NADSYN1: variants seen among roughly 807,000 people sequenced by gnomAD.
NADSYN1 encodes glutamine-dependent NAD(+) synthetase.
A neutral mutation model predicts 99.3 loss-of-function variants in NADSYN1; 80 were observed. The ratio of observed to expected loss-of-function variants is 0.81; its 90% CI spans 0.67 to 0.97. NADSYN1 has a LOEUF of 0.97. Ranked by LOEUF, NADSYN1 falls within the 50% of genes least tolerant of loss-of-function variation. NADSYN1 has a pLI of 0.00. For missense variants in NADSYN1, 859 were observed against 948.5 expected (o/e 0.91, Z 1.24); for synonymous variants, 385 against 372.1 (o/e 1.03, Z -0.40).
chr11:71,497,294 C>T (rs1565608747), intron 18 of NADSYN1, 189 bp from the exon 19 acceptor site: 4 of 639,860 alleles, frequency 6.3e-6, no homozygotes, highest in Non-Finnish European at 1.1e-5. Context: ...CCTGGTTCTT[C>T]GTTGCTGTTT....
chr11:71,482,043 G>A lies in NADSYN1; in HGVS notation c.1150+18G>A. ...GAGTGGAAGTAGGTGACATCTGTTG[G>A]CTTGAGGGAGGCTCCAGGGTCCAGC... On this transcript the variant is annotated intron_variant, in intron 13 of 20. Transcript: ENST00000319023. The A allele has an allele frequency of 6.3e-7, 1 of 1,596,364 alleles. No homozygotes were observed. Among genetic ancestry groups the A allele is most frequent in the Non-Finnish European group, 8.5e-7 (1 of 1,170,888 alleles).
rs182772603 is a variant in NADSYN1 at position 71,478,811 on chromosome 11, G to A, written c.873+342G>A. 237 of 277,004 alleles carry A rather than the reference G, an allele frequency of 8.6e-4. 2 individuals are homozygous for A. The highest frequency in any genetic ancestry group is 4.7e-3 in the African/African-American group (221 of 46,720). The allele number at this position is 277,004 out of a possible 1,614,324, so 17.2% of individuals were successfully genotyped here. ...GGCCTCAAGGTGAGGGGTGGCAAGC[G>A]TGGTAGGAACAGGCACACAGTGTGC... is the stretch of plus-strand genomic sequence containing the variant. On this transcript the variant is annotated intron_variant, in intron 10 of 20. Coordinates refer to ENST00000319023, the MANE Select transcript of NADSYN1 (RefSeq NM_018161.5).
chr11:71,478,377 T>C lies in NADSYN1; in HGVS notation c.799-18T>C. On this transcript the variant is annotated intron_variant, in intron 9 of 20. Transcript: ENST00000319023. ...CAAACGGGAAATCACGGGTTCTCTT[T>C]GAAATTTCCTTCTCCAGGAAGTCCT... is the stretch of plus-strand genomic sequence containing the variant. 2 of 1,583,862 alleles carry C rather than the reference T, an allele frequency of 1.3e-6. No homozygotes were observed. The highest frequency in any genetic ancestry group is 1.1e-5 in the South Asian group (1 of 86,988).
chr11:71,456,599 C>T (rs189086592), intron 2 of NADSYN1, among the ~76,000 whole-genome samples: 104 of 152,348 alleles, frequency 6.8e-4, no homozygotes, highest in African/African-American at 2.3e-3. Flanking sequence ...GAGTTTACGT[C>T]TTCTTTTCTT....
rs748265309 is a variant in NADSYN1, at chr11:71,458,463, A to C, written c.182A>C (p.Asp61Ala). 3.1e-6 allele frequency: 5 copies of C among 1,614,014 alleles called. No individual in the cohort carries two copies. The South Asian group carries it at 5.5e-5, about 18-fold the overall frequency. The change falls in exon 3 of 21, where the codon GAC (aspartate) becomes GCC (alanine). Residue 61 changes from aspartate (D) to alanine (A), a missense_variant. Coordinates refer to ENST00000319023, the MANE Select transcript of NADSYN1 (RefSeq NM_018161.5). ...YGCWDHYYES[D>A]TLLHSFQVLA... Reference sequence around the variant, plus strand: ...TGTTGGGATCATTATTACGAGTCGGACACCCTCTTGCACTCGTTTCAAGTC... The same window carrying C: ...TGTTGGGATCATTATTACGAGTCGGCCACCCTCTTGCACTCGTTTCAAGTC...
intron 9 of NADSYN1, 57 bp from the exon 10 acceptor site, chr11:71,478,338 A>C: frequency 7.0e-7 from 1 of 1,424,354 alleles, no homozygotes; most frequent in South Asian, 1.2e-5. Context: ...GCCAAATTAC[A>C]CGTGGGAGTT....
chr11:71,478,317 C>T (rs1221768864), intron 9 of NADSYN1, 78 bp from the exon 10 acceptor site: 1 of 1,256,478 alleles, frequency 8.0e-7, no homozygotes, highest in East Asian at 2.5e-5. Context: ...GTGACAACAC[C>T]TTTGACAGTG....
At position 71,487,008 on chromosome 11, in the gene NADSYN1, G is replaced by A. The variant is rs187774341; in HGVS notation, c.1562+1360G>A. On this transcript the variant is annotated intron_variant, in intron 16 of 20. Coordinates refer to ENST00000319023, the MANE Select transcript of NADSYN1 (RefSeq NM_018161.5). ...TTTTTAGTAGAGACGGTGTTTCACC[G>A]TGTTAGCCAGGATGGTCTCCATCTC... Among the ~76,000 whole-genome samples, 100 of 151,988 alleles carry A rather than the reference G, an allele frequency of 6.6e-4. 1 individual carries two copies. Among genetic ancestry groups the A allele is most frequent in the African/African-American group, 2.0e-3 (83 of 41,468 alleles).
At chr11:71,497,107 G>A (rs1323373665) in intron 18 of NADSYN1, 1 of 265,928 alleles carries the variant, frequency 3.8e-6, no homozygotes, top group Non-Finnish European at 7.3e-6. Flanking sequence ...TAAACCCCTG[G>A]GCTCAAGCAG....
intron 8 of NADSYN1, 128 bp downstream of exon 8, chr11:71,473,814 T>C: frequency 1.3e-6 from 1 of 770,894 alleles, no homozygotes; most frequent in Non-Finnish European, 2.2e-6. Flanking sequence ...AATTATGGCC[T>C]GGACTCAACA....
chr11:71,463,480 C>A lies in NADSYN1; in HGVS notation c.312C>A (p.Leu104=). ...GCTACAACTGCAGAGTGATATTCCT[C>A]AACAGGTAGGCCCCCTGCCCCCACC... ...NVRYNCRVIF[L]NRKILLIRPK... is the part of the protein sequence containing the mutation. The change falls in exon 4 of 21, where the codon CTC becomes CTA. Residue 104 remains leucine (L), a synonymous_variant. Transcript: ENST00000319023. The A allele has an allele frequency of 3.0e-5, 49 of 1,613,990 alleles. No individual in the cohort carries two copies. Among genetic ancestry groups the A allele is most frequent in the Non-Finnish European group, 4.1e-5 (48 of 1,179,906 alleles).
chr11:71,469,365 G>A (rs796865672), intron 5 of NADSYN1, among the ~76,000 whole-genome samples: 8 of 152,258 alleles, frequency 5.3e-5, no homozygotes, highest in Admixed American at 2.0e-4. Flanking sequence ...CTAGCTGCCA[G>A]GACCAGCTTG....
chr11:71,462,611 A>G (rs759906645), intron 3 of NADSYN1, among the ~76,000 whole-genome samples: 8 of 152,238 alleles, frequency 5.3e-5, no homozygotes, highest in Non-Finnish European at 1.0e-4. Flanking sequence ...GGCAAAATAA[A>G]TGTTCTAAAT....
intron 5 of NADSYN1, among the ~76,000 whole-genome samples, chr11:71,466,221 T>C (rs1949588405): frequency 1.3e-5 from 2 of 152,220 alleles, no homozygotes; most frequent in South Asian, 4.1e-4. Flanking sequence ...ATCTTTGCTT[T>C]CTAATGTCTC....
chr11:71,458,554 A>G lies in NADSYN1; in HGVS notation c.263+10A>G. ...TCTGCGACGTGGGGATGTAAGTGCC[A>G]GTGTGAGTGTGGAAGGGCAAACCTG... On this transcript the variant is annotated intron_variant, in intron 3 of 20. Transcript: ENST00000319023. 1 of 1,585,294 alleles carries G rather than the reference A, an allele frequency of 6.3e-7. No homozygotes were observed. The highest frequency in any genetic ancestry group is 1.1e-5 in the South Asian group (1 of 90,652).
chr11:71,473,231 C>CAG, intron 6 of NADSYN1, 47 bp from the exon 7 acceptor site: 1 of 1,568,476 alleles, frequency 6.4e-7, no homozygotes, highest in Non-Finnish European at 8.8e-7. Context: ...GTGGCCCAGA[C>CAG]AGGGCATGGC....
intron 9 of NADSYN1, chr11:71,476,571 G>T: frequency 3.8e-6 from 3 of 786,250 alleles, no homozygotes; most frequent in Non-Finnish European, 4.7e-6. Context: ...GCAGGCAAGG[G>T]TGTGGCCGTC....
At chr11:71,491,945 C>A in intron 18 of NADSYN1, 42 bp downstream of exon 18, 1 of 1,575,164 alleles carries the variant, frequency 6.3e-7, no homozygotes, top group Non-Finnish European at 8.7e-7. Flanking sequence ...TGCCCTCCTC[C>A]CCACCTCCTG....
At chr11:71,455,191 CCT>C in intron 2 of NADSYN1, 21 bp downstream of exon 2, 1 of 1,604,710 alleles carries the variant, frequency 6.2e-7, no homozygotes, top group South Asian at 1.1e-5. Flanking sequence ...ACACAGACAC[CCT>C]GGGGTCGTCA....
Sources: gnomAD v4.1 joint callset for allele counts (sites outside exome capture counted in the v4.1 genomes callset) on GRCh38, gnomAD v4.1.1 for gene constraint, MANE v1.5 for transcripts, NCBI Gene and HGNC (gene_info 2026-07-23, HGNC 2026-07-21) for gene names.